SPEF2: variants seen among roughly 807,000 people sequenced by gnomAD.
SPEF2 encodes sperm flagellar and cilia associated 2.
In SPEF2, 187 loss-of-function variants were observed where a neutral mutation model predicts 224.6. That is an observed-to-expected ratio of 0.83 (90% CI 0.74 to 0.94). The LOEUF is 0.94. SPEF2 is among the 40% of genes least tolerant of loss of function. The pLI, the probability that SPEF2 is intolerant of heterozygous loss-of-function variation, is 0.00. For synonymous variants in SPEF2, 715 were observed against 707.3 expected (o/e 1.01, Z -0.17); for missense variants, 2,170 against 2,135.6 (o/e 1.02, Z -0.32).
chr5:35,722,076 A>G (rs976801779), intron 20 of SPEF2, among the ~76,000 whole-genome samples: 1 of 151,744 alleles, frequency 6.6e-6, no homozygotes, highest in African/African-American at 2.4e-5. Context: ...AACTGCTGAC[A>G]GGGTGGAGAA....
intron 21 of SPEF2, among the ~76,000 whole-genome samples, chr5:35,733,936 T>A (rs1452858929): frequency 6.6e-6 from 1 of 152,198 alleles, no homozygotes; most frequent in Non-Finnish European, 1.5e-5. Context: ...ACATATCTTT[T>A]AAGTTGTTGT....
chr5:35,658,055 T>C (rs947873514), intron 7 of SPEF2, among the ~76,000 whole-genome samples: 2 of 152,238 alleles, frequency 1.3e-5, no homozygotes, highest in Non-Finnish European at 2.9e-5. Context: ...CATTGAGTAC[T>C]ATAGATACCT....
chr5:35,678,182 A>C (rs1002861807), intron 10 of SPEF2, among the ~76,000 whole-genome samples: 3 of 152,254 alleles, frequency 2.0e-5, no homozygotes, highest in African/African-American at 4.8e-5. Flanking sequence ...AGATTAGGGC[A>C]GACTGAGGAA....
chr5:35,786,317 C>T (rs748818380), intron 30 of SPEF2, among the ~76,000 whole-genome samples: 2 of 152,152 alleles, frequency 1.3e-5, no homozygotes, highest in South Asian at 2.1e-4. Flanking sequence ...CATTTAGAAT[C>T]GCAAAAATGG....
chr5:35,670,191 G>T lies in SPEF2; in HGVS notation c.1488G>T (p.Arg496Ser), dbSNP rs1561168651. ...SREQLTELEK[R>S]DLLDTNDYEE... is the part of the protein sequence containing the mutation. ...AACAACTTACAGAACTGGAGAAAAG[G>T]GACTTGCTAGATACCAATGATTATG... The change falls in exon 10 of 37, where the codon AGG (arginine) becomes AGT (serine). Residue 496 changes from arginine to serine, a missense_variant. Arg to Ser is a moderately radical substitution (Grantham distance 110). Coordinates refer to ENST00000356031, the MANE Select transcript of SPEF2 (RefSeq NM_024867.4). 1 of 1,611,188 alleles carries T rather than the reference G, an allele frequency of 6.2e-7. No homozygotes were observed. The highest frequency in any genetic ancestry group is 1.1e-5 in the South Asian group (1 of 90,750).
At chr5:35,629,014 T>C (rs972115188) in intron 2 of SPEF2, among the ~76,000 whole-genome samples, 20 of 152,152 alleles carry the variant, frequency 1.3e-4, no homozygotes, top group African/African-American at 4.6e-4. Flanking sequence ...ATATGGAAAT[T>C]GTTCCTTTCT....
At chr5:35,746,720 A>G (rs1580557202) in intron 23 of SPEF2, among the ~76,000 whole-genome samples, 1 of 152,282 alleles carries the variant, frequency 6.6e-6, no homozygotes, top group Non-Finnish European at 1.5e-5. Context: ...GAGGAAGAAG[A>G]GAATTATAAA....
At chr5:35,761,903 C>T (rs1751338322) in intron 25 of SPEF2, among the ~76,000 whole-genome samples, 1 of 152,186 alleles carries the variant, frequency 6.6e-6, no homozygotes, top group Non-Finnish European at 1.5e-5. Context: ...AGCCTCAAAT[C>T]ACAGCTTTGG....
intron 26 of SPEF2, among the ~76,000 whole-genome samples, chr5:35,768,668 T>C (rs1006492965): frequency 1.7e-4 from 26 of 152,282 alleles, no homozygotes; most frequent in East Asian, 9.6e-4. Flanking sequence ...CCTTGTGGAC[T>C]TTAAAAAATC....
At chr5:35,807,032 T>C in intron 35 of SPEF2, 80 bp downstream of exon 35, 1 of 1,558,744 alleles carries the variant, frequency 6.4e-7, no homozygotes, top group Non-Finnish European at 8.6e-7. Context: ...TATATCATAG[T>C]ATGAAATTAT....
At chr5:35,625,677 G>A (rs1744135933) in intron 1 of SPEF2, among the ~76,000 whole-genome samples, 1 of 152,166 alleles carries the variant, frequency 6.6e-6, no homozygotes, top group Admixed American at 6.5e-5. Context: ...ACTAAGGGAA[G>A]AATAGGGATA....
In SPEF2 at chr5:35,779,200, A is replaced by G; in HGVS notation, c.4301A>G (p.Asp1434Gly). Reference protein sequence around the residue: ...IQNELYLSQEDFFINGNIKVF... With the variant: ...IQNELYLSQEGFFINGNIKVF... ...AATGAACTTTATTTAAGCCAAGAAG[A>G]CTTCTTCATTAATGGCAATATAAAA... Residue 1434 changes from aspartate (D) to glycine (G), a missense_variant, in exon 30 of 37, where the codon GAC becomes GGC. Transcript: ENST00000356031. The G allele has an allele frequency of 1.2e-6, 2 of 1,613,890 alleles. No individual in the cohort carries two copies. The highest frequency in any genetic ancestry group is 1.7e-6 in the Non-Finnish European group (2 of 1,179,868).
chr5:35,729,200 C>T (rs1745199774), intron 21 of SPEF2, among the ~76,000 whole-genome samples: 1 of 152,150 alleles, frequency 6.6e-6, no homozygotes, highest in South Asian at 2.1e-4. Flanking sequence ...ACTATTTACA[C>T]ATGTGAAGGC....
chr5:35,800,123 AG>A lies in SPEF2; in HGVS notation c.4987del (p.Ala1663LeufsTer34). The A allele has an allele frequency of 2.5e-6, 4 of 1,614,156 alleles. No individual in the cohort carries two copies. Among genetic ancestry groups the A allele is most frequent in the Non-Finnish European group, 3.4e-6 (4 of 1,180,026 alleles). On this transcript the variant is annotated frameshift_variant, in exon 34 of 37. Coordinates refer to ENST00000356031, the MANE Select transcript of SPEF2 (RefSeq NM_024867.4). LOFTEE classifies it high-confidence loss of function. ...GAACTCATGTCTTCCAACAAGTCAA[AG>A]CTTCCATTCCAAGTGCAGAAAAGGT... ...VGTHVFQQVK[A>X]SIPSAEKTSS...
At chr5:35,657,136 A>G (rs182718362) in intron 7 of SPEF2, among the ~76,000 whole-genome samples, 1 of 152,344 alleles carries the variant, frequency 6.6e-6, no homozygotes, top group Admixed American at 6.5e-5. Flanking sequence ...TAAATCCCAC[A>G]TCAGCCCTGA....
intron 15 of SPEF2, 62 bp downstream of exon 15, chr5:35,697,855 A>G (rs958749593): frequency 3.3e-6 from 4 of 1,205,888 alleles, no homozygotes; most frequent in Non-Finnish European, 3.6e-6. Flanking sequence ...ACAAAGATGT[A>G]TAAAGAATAA....
At position 35,641,678 on chromosome 5, in the gene SPEF2, C is replaced by T. The variant is rs776096753; in HGVS notation, c.409C>T (p.Gln137Ter). 2 of 1,612,300 alleles carry T rather than the reference C, an allele frequency of 1.2e-6. No homozygotes were observed. The highest frequency in any genetic ancestry group is 1.7e-6 in the Non-Finnish European group (2 of 1,179,266). The part of the protein sequence containing the change: ...RLQNMKSDTF[Q>*]ERLRHMIPRQ... ...TCAAAACATGAAAAGTGATACTTTT[C>T]AAGAGGTAGGTACATAAAAAAGCAT... Residue 137 changes from glutamine (Q) to a stop codon, truncating the protein, a stop_gained, in exon 3 of 37, where the codon CAA becomes TAA. Coordinates refer to ENST00000356031, the MANE Select transcript of SPEF2 (RefSeq NM_024867.4). LOFTEE classifies it high-confidence loss of function.
chr5:35,666,103 A>G (rs1489329468), intron 8 of SPEF2, among the ~76,000 whole-genome samples: 1 of 152,178 alleles, frequency 6.6e-6, no homozygotes, highest in East Asian at 1.9e-4. Flanking sequence ...GACTTGCCCA[A>G]GGTCTCACAG....
At chr5:35,654,136 T>G (rs1748619612) in intron 6 of SPEF2, among the ~76,000 whole-genome samples, 2 of 151,514 alleles carry the variant, frequency 1.3e-5, no homozygotes, top group African/African-American at 2.4e-5. Flanking sequence ...GGCACATGCC[T>G]GTAATCCCAG....
Sources: gnomAD v4.1 joint callset for allele counts (sites outside exome capture counted in the v4.1 genomes callset) on GRCh38, gnomAD v4.1.1 for gene constraint, MANE v1.5 for transcripts, NCBI Gene and HGNC (gene_info 2026-07-23, HGNC 2026-07-21) for gene names.